Variants in ASTN2 observed in about 807,000 individuals in gnomAD.
ASTN2 encodes the protein astrotactin 2.
ASTN2 carries 54 observed loss-of-function variants against 139.8 expected under a neutral mutation model. That is an observed-to-expected ratio of 0.39 (90% CI 0.31 to 0.48). The LOEUF is 0.48. Among genes scored for constraint, ASTN2 ranks in the 20% least tolerant of loss-of-function variants. ASTN2 has a pLI of 0.95. For missense variants in ASTN2, 1,565 were observed against 1,725.1 expected (o/e 0.91, Z 1.64); for synonymous variants, 756 against 719.5 (o/e 1.05, Z -0.81).
chr9:116,513,664 C>T (rs1850508310), intron 19 of ASTN2, among the ~76,000 whole-genome samples: 2 of 152,316 alleles, frequency 1.3e-5, no homozygotes, highest in Non-Finnish European at 2.9e-5. Context: ...GGTCTTTTCA[C>T]ATAGTCCCAT....
At chr9:117,408,733 GCAAATCTGGTCCACCTTGAC>G (rs1831078548) in intron 1 of ASTN2, among the ~76,000 whole-genome samples, 1 of 152,120 alleles carries the variant, frequency 6.6e-6, no homozygotes, top group South Asian at 2.1e-4. Context: ...CCAAGAAACA[GCAAATCTGGTCCACCTTGAC>G]CAAATCTAAG....
intron 10 of ASTN2, among the ~76,000 whole-genome samples, chr9:116,958,410 G>A (rs1835781902): frequency 6.6e-6 from 1 of 152,084 alleles, no homozygotes. Flanking sequence ...CTAACAAGGT[G>A]AAACCCCGTC....
intron 5 of ASTN2, among the ~76,000 whole-genome samples, chr9:117,081,437 T>C (rs1828425527): frequency 6.6e-6 from 1 of 152,156 alleles, no homozygotes; most frequent in South Asian, 2.1e-4. Context: ...TACCTCCAGG[T>C]AGGAGGCAGA....
intron 10 of ASTN2, among the ~76,000 whole-genome samples, chr9:116,947,643 G>A (rs1029948038): frequency 2.6e-5 from 4 of 152,192 alleles, no homozygotes; most frequent in Admixed American, 2.0e-4. Context: ...GATTCAGGCA[G>A]TATTTTTATA....
At chr9:116,880,247 G>A (rs2062519872) in intron 10 of ASTN2, among the ~76,000 whole-genome samples, 1 of 152,170 alleles carries the variant, frequency 6.6e-6, no homozygotes, top group South Asian at 2.1e-4. Flanking sequence ...GCTGGCAAAA[G>A]TAAAGATGTA....
intron 2 of ASTN2, among the ~76,000 whole-genome samples, chr9:117,238,523 C>T (rs1040227178): frequency 6.6e-6 from 1 of 152,236 alleles, no homozygotes; most frequent in African/African-American, 2.4e-5. Context: ...CCAAGGCCAA[C>T]AGCTCTGGCT....
At chr9:117,292,482 T>C (rs759638749) in intron 1 of ASTN2, among the ~76,000 whole-genome samples, 1 of 152,168 alleles carries the variant, frequency 6.6e-6, no homozygotes, top group African/African-American at 2.4e-5. Context: ...TCAGTGAATC[T>C]TATGCATGAA....
At chr9:116,791,798 TTC>T (rs1830567427) in intron 13 of ASTN2, among the ~76,000 whole-genome samples, 1 of 152,182 alleles carries the variant, frequency 6.6e-6, no homozygotes, top group African/African-American at 2.4e-5. Context: ...GTCTCAGTGA[TTC>T]AGATAGGCTT....
intron 16 of ASTN2, chr9:116,697,594 A>T: frequency 4.9e-6 from 5 of 1,014,864 alleles, no homozygotes; most frequent in Non-Finnish European, 7.3e-6. Context: ...CTATTCTCTA[A>T]ATGTTTCTTG....
chr9:116,957,519 T>C (rs1053133785), intron 10 of ASTN2, among the ~76,000 whole-genome samples: 5 of 152,236 alleles, frequency 3.3e-5, no homozygotes, highest in Admixed American at 6.5e-5. Context: ...TTGCACTCAG[T>C]TGTCATGGTC....
At chr9:117,241,356 A>G (rs1210250276) in intron 2 of ASTN2, among the ~76,000 whole-genome samples, 1 of 152,158 alleles carries the variant, frequency 6.6e-6, no homozygotes, top group African/African-American at 2.4e-5. Flanking sequence ...TGACATTTAT[A>G]TCAGTGCAAG....
intron 13 of ASTN2, among the ~76,000 whole-genome samples, chr9:116,737,786 G>C (rs1564240927): frequency 6.6e-6 from 1 of 152,152 alleles, no homozygotes; most frequent in Non-Finnish European, 1.5e-5. Context: ...AAAACCAAAG[G>C]TTGTATGTTC....
chr9:116,954,724 A>C lies in ASTN2; in HGVS notation c.1889+20484T>G, dbSNP rs574325672. On this transcript the variant is annotated intron_variant, in intron 10 of 22. Transcript: ENST00000313400. ...GGGATATAGTTGGCAAACATCTGAG[A>C]GAGTTTCCAGATCATTTAGCTTCCA... Among the ~76,000 whole-genome samples, 35 of 152,304 alleles carry C rather than the reference A, an allele frequency of 2.3e-4. No homozygotes were observed. In the South Asian group the frequency reaches 2.9e-3, roughly 13 times the overall value.
chr9:116,471,962 G>A (rs766020211), intron 20 of ASTN2, among the ~76,000 whole-genome samples: 15 of 152,082 alleles, frequency 9.9e-5, no homozygotes, highest in Non-Finnish European at 1.8e-4. Flanking sequence ...AAACCCGCGA[G>A]TGCAACAGCC....
intron 7 of ASTN2, among the ~76,000 whole-genome samples, chr9:116,985,164 G>A (rs964894558): frequency 6.6e-6 from 1 of 152,154 alleles, no homozygotes; most frequent in African/African-American, 2.4e-5. Context: ...AACTTCACAT[G>A]GGTGTCTCTG....
chr9:117,174,118 GCTAA>G (rs1156633969), intron 3 of ASTN2, among the ~76,000 whole-genome samples: 16 of 141,894 alleles, frequency 1.1e-4, no homozygotes, highest in South Asian at 2.3e-4. Context: ...TAGCTAGCTA[GCTAA>G]CTAGATAGAT....
At chr9:117,396,938 AAGCTTTT>A (rs1298981882) in intron 1 of ASTN2, among the ~76,000 whole-genome samples, 1 of 125,594 alleles carries the variant, frequency 8.0e-6, no homozygotes, top group Non-Finnish European at 1.6e-5. Flanking sequence ...CCATCCACTC[AAGCTTTT>A]TTTTTTTTTT....
chr9:116,516,325 G>A (rs1421559113), intron 19 of ASTN2, among the ~76,000 whole-genome samples: 1 of 152,162 alleles, frequency 6.6e-6, no homozygotes, highest in African/African-American at 2.4e-5. Flanking sequence ...GCTGGAGGTA[G>A]CAGCTAACAT....
At chr9:117,109,019 T>G (rs1829179437) in intron 4 of ASTN2, among the ~76,000 whole-genome samples, 1 of 152,156 alleles carries the variant, frequency 6.6e-6, no homozygotes, top group Admixed American at 6.5e-5. Context: ...GCATGGTGAC[T>G]CACGGCTGTA....
Sources: gnomAD v4.1 joint callset for allele counts (sites outside exome capture counted in the v4.1 genomes callset) on GRCh38, gnomAD v4.1.1 for gene constraint, MANE v1.5 for transcripts, NCBI Gene and HGNC (gene_info 2026-07-23, HGNC 2026-07-21) for gene names.